Variants in ETS1 observed in about 807,000 individuals in gnomAD.
ETS1 encodes ETS proto-oncogene 1, transcription factor.
ETS1 carries 15 observed loss-of-function variants against 58.6 expected under a neutral mutation model. The observed-to-expected ratio is 0.26, with a 90% CI of 0.17 to 0.39. The LOEUF (loss-of-function observed/expected upper bound fraction) is 0.39, where lower values mean the gene tolerates loss of function less well. ETS1 is among the 10% of genes least tolerant of loss of function. The probability of loss-of-function intolerance (pLI) is 1.00; values close to 1 mark genes in which losing one functional copy is unlikely to be tolerated. For missense variants in ETS1, 417 were observed against 610.5 expected (o/e 0.68, Z 3.34); for synonymous variants, 214 against 218.2 (o/e 0.98, Z 0.17).
intron 1 of ETS1, among the ~76,000 whole-genome samples, chr11:128,583,192 G>A (rs1163604905): frequency 6.6e-6 from 1 of 152,182 alleles, no homozygotes. Flanking sequence ...TTGAACTCAT[G>A]AGTGATTATA....
chr11:128,522,461 C>A (rs1863710927), intron 3 of ETS1: 3 of 548,998 alleles, frequency 5.5e-6, no homozygotes, highest in Non-Finnish European at 7.0e-6. Context: ...CGGGGCAGGG[C>A]GGGGAGCCGG....
At chr11:128,538,933 A>G (rs929835072) in intron 3 of ETS1, among the ~76,000 whole-genome samples, 8 of 152,250 alleles carry the variant, frequency 5.3e-5, no homozygotes, top group Non-Finnish European at 1.0e-4. Flanking sequence ...AAAAATCTCT[A>G]TCCACGACAG....
At chr11:128,585,186 G>GGA (rs1864994754) in intron 1 of ETS1, among the ~76,000 whole-genome samples, 1 of 19,564 alleles carries the variant, frequency 5.1e-5, no homozygotes, top group South Asian at 1.2e-3. Flanking sequence ...AAGAAAGAAA[G>GGA]AAGGAAGGAA....
intron 3 of ETS1, among the ~76,000 whole-genome samples, chr11:128,510,187 C>T (rs185636061): frequency 6.6e-5 from 10 of 152,312 alleles, no homozygotes; most frequent in Non-Finnish European, 1.0e-4. Context: ...CATCCCCACT[C>T]CGTATCATAT....
At chr11:128,563,665 C>T (rs61907769) in intron 2 of ETS1, among the ~76,000 whole-genome samples, 13 of 152,186 alleles carry the variant, frequency 8.5e-5, no homozygotes, top group Non-Finnish European at 1.9e-4. Context: ...CAAAAGTTAT[C>T]GGAGGTATAA....
intron 3 of ETS1, among the ~76,000 whole-genome samples, chr11:128,555,459 G>C (rs1195453822): frequency 1.3e-5 from 2 of 152,122 alleles, no homozygotes; most frequent in Non-Finnish European, 2.9e-5. Context: ...ACATTTTTAT[G>C]CTAAGAATTC....
rs771501839 is a variant in ETS1 at position 128,490,475 on chromosome 11, G to T, written c.316C>A (p.Arg106=). Residue 106 remains arginine, a synonymous_variant, in exon 4 of 10, where the codon CGA becomes AGA. Coordinates refer to ENST00000392668, the MANE Select transcript of ETS1 (RefSeq NM_001143820.2). The part of the protein sequence containing the change: ...TFSGFTKEQQ[R]LGIPKDPRQW... The stretch of plus-strand genomic sequence containing the variant: ...ACCATACCTTTTGGGATCCCCAGTC[G>T]TTGCTGTTCTTTAGTGAAACCACTG... 2 of 1,613,962 alleles carry T rather than the reference G, an allele frequency of 1.2e-6. No individual in the cohort carries two copies. The highest frequency in any genetic ancestry group is 2.2e-5 in the South Asian group (2 of 91,076).
At chr11:128,470,248 A>T (rs1385076732) in intron 8 of ETS1, among the ~76,000 whole-genome samples, 1 of 152,216 alleles carries the variant, frequency 6.6e-6, no homozygotes, top group Non-Finnish European at 1.5e-5. Context: ...GTGTCAAAAA[A>T]TTTAAAAATA....
At chr11:128,496,748 T>C (rs941409582) in intron 3 of ETS1, among the ~76,000 whole-genome samples, 6 of 152,206 alleles carry the variant, frequency 3.9e-5, no homozygotes, top group Non-Finnish European at 7.3e-5. Flanking sequence ...AAGGGAGTGG[T>C]AAGTGATTCC....
At chr11:128,585,870 G>A (rs528878343) in intron 1 of ETS1, among the ~76,000 whole-genome samples, 9 of 152,258 alleles carry the variant, frequency 5.9e-5, no homozygotes, top group Admixed American at 5.9e-4. Context: ...CCGACCCAGC[G>A]CTGGTTCAAG....
chr11:128,559,206 T>C (rs1864365170), intron 2 of ETS1, among the ~76,000 whole-genome samples: 1 of 152,216 alleles, frequency 6.6e-6, no homozygotes, highest in Non-Finnish European at 1.5e-5. Context: ...GGGTTTTGTC[T>C]GCTAAAGAAA....
intron 1 of ETS1, among the ~76,000 whole-genome samples, chr11:128,581,886 G>C (rs946363401): frequency 2.6e-5 from 4 of 152,176 alleles, no homozygotes; most frequent in Admixed American, 1.3e-4. Flanking sequence ...AGAACAATGA[G>C]AGGGGACTGG....
At chr11:128,563,571 C>A (rs1447132638) in intron 2 of ETS1, among the ~76,000 whole-genome samples, 1 of 152,192 alleles carries the variant, frequency 6.6e-6, no homozygotes, top group Non-Finnish European at 1.5e-5. Context: ...TTTTGCTGAT[C>A]CATCCACATT....
In ETS1 at chr11:128,460,071, AACACACACACACACACACACACACACAC is replaced by A. The variant is rs199537006; in HGVS notation, c.*2262_*2289del. The A allele has an allele frequency of 4.4e-5, 1 of 22,734 alleles. No individual in the cohort carries two copies. The highest frequency in any genetic ancestry group is 1.4e-3 in the East Asian group (1 of 702). 1.4% of individuals were successfully genotyped at this position (22,734 alleles called of 1,614,324 possible). ...TCAGCTGCAGTTTTGCATGTCTGCAAACACACACACACACACACACACACACACACACACACACACACACAACATTCAC... is the reference window on the plus strand; with the variant it reads ...TCAGCTGCAGTTTTGCATGTCTGCAAACACACACACACACACAACATTCAC... On this transcript the variant is annotated 3_prime_UTR_variant, in exon 10 of 10. Coordinates refer to ENST00000392668, the MANE Select transcript of ETS1 (RefSeq NM_001143820.2).
chr11:128,560,643 G>T (rs1239999824), intron 2 of ETS1, among the ~76,000 whole-genome samples: 1 of 152,200 alleles, frequency 6.6e-6, no homozygotes, highest in Non-Finnish European at 1.5e-5. Flanking sequence ...GCTCAAGAAT[G>T]GTGGTTACTG....
At chr11:128,496,778 C>T (rs138012703) in intron 3 of ETS1, among the ~76,000 whole-genome samples, 7 of 152,118 alleles carry the variant, frequency 4.6e-5, no homozygotes, top group South Asian at 2.1e-4. Flanking sequence ...CACTAGAAAC[C>T]GGGCAGGCAG....
At chr11:128,504,240 A>G (rs1023840397) in intron 3 of ETS1, among the ~76,000 whole-genome samples, 4 of 152,162 alleles carry the variant, frequency 2.6e-5, no homozygotes, top group Admixed American at 1.3e-4. Context: ...TTTGGCCTCT[A>G]TATCTCTTTG....
At chr11:128,474,366 T>C (rs979278578) in intron 8 of ETS1, among the ~76,000 whole-genome samples, 11 of 152,140 alleles carry the variant, frequency 7.2e-5, no homozygotes, top group African/African-American at 2.4e-4. Flanking sequence ...ATCACCACTT[T>C]CCACGTTTTT....
At chr11:128,570,673 A>G (rs565897735) in intron 2 of ETS1, among the ~76,000 whole-genome samples, 3 of 152,344 alleles carry the variant, frequency 2.0e-5, no homozygotes, top group African/African-American at 7.2e-5. Context: ...TGAAATCACA[A>G]TATCATTATT....
Sources: allele counts gnomAD v4.1 joint callset (sites outside exome capture counted in the v4.1 genomes callset), GRCh38; gene constraint gnomAD v4.1.1; transcripts MANE v1.5; gene names NCBI Gene and HGNC (gene_info 2026-07-23, HGNC 2026-07-21).